DBT: variants seen among roughly 807,000 people sequenced by gnomAD.
DBT encodes lipoamide acyltransferase component of branched-chain alpha-keto acid dehydrogenase complex, mitochondrial.
DBT carries 40 observed loss-of-function variants against 51.3 expected under a neutral mutation model. That is an observed-to-expected ratio of 0.78 (90% CI 0.61 to 1.02). DBT has a LOEUF of 1.02. Among genes scored for constraint, DBT ranks in the 50% least tolerant of loss-of-function variants. DBT has a pLI of 0.00. For missense variants in DBT, 510 were observed against 580.2 expected, an observed-to-expected ratio of 0.88 and a Z score of 1.24; for synonymous variants, 181 against 190.4, an observed-to-expected ratio of 0.95 and a Z score of 0.41.
chr1:100,233,005 G>A (rs1025716197), intron 3 of DBT, among the ~76,000 whole-genome samples: 2 of 151,950 alleles, frequency 1.3e-5, no homozygotes, highest in Admixed American at 1.3e-4. Context: ...AAAAGGCAAA[G>A]ATTGGCAGAA....
chr1:100,249,625 G>A, intron 1 of DBT, 145 bp downstream of exon 1: 1 of 835,982 alleles, frequency 1.2e-6, no homozygotes, highest in Non-Finnish European at 2.1e-6. Flanking sequence ...TCCGTTCTCT[G>A]CCCTTTATTT....
At chr1:100,209,078 T>TTTTTC (rs1287657697) in intron 8 of DBT, among the ~76,000 whole-genome samples, 1 of 141,322 alleles carries the variant, frequency 7.1e-6, no homozygotes, top group African/African-American at 2.6e-5. Flanking sequence ...TTTGTTTTCT[T>TTTTTC]TTTTCTTTTC....
In DBT at chr1:100,214,919, A is replaced by G. The variant is rs1662392437; in HGVS notation, c.837T>C (p.Cys279=). The stretch of plus-strand genomic sequence containing the variant: ...CCAGTTCAGTAAGGTCAATCTCATC[A>G]CAATAACCAAAATGAGGTATCTTCA... ...AALKIPHFGY[C]DEIDLTELVK... is the part of the protein sequence containing the mutation. The change falls in exon 7 of 11, where the codon TGT becomes TGC. Residue 279 remains cysteine (C), a synonymous_variant. Coordinates refer to ENST00000370132, the MANE Select transcript of DBT (RefSeq NM_001918.5). 6.2e-7 allele frequency: 1 copy of G among 1,613,182 alleles called. No individual in the cohort carries two copies. The highest frequency in any genetic ancestry group is 1.3e-5 in the African/African-American group (1 of 74,902).
intron 3 of DBT, among the ~76,000 whole-genome samples, chr1:100,231,896 G>A (rs1663573561): frequency 6.6e-6 from 1 of 152,160 alleles, no homozygotes; most frequent in Non-Finnish European, 1.5e-5. Context: ...AGCGCAGCAG[G>A]AGCCAAATCA....
intron 7 of DBT, chr1:100,213,512 G>C (rs1662286295): frequency 6.5e-7 from 1 of 1,546,544 alleles, no homozygotes; most frequent in Admixed American, 1.7e-5. Flanking sequence ...CTCTATCGTG[G>C]TCGTGGGAGG....
Position 100,196,980 on chromosome 1 carries a change from G to A in DBT, c.1282-558C>T, listed in dbSNP as rs192937106. Reference sequence around the variant, plus strand: ...GGTCAACACCTTGATCAGGCCCGGAGAGAGGAAGGCATATATTCCATTAGC... The same window carrying A: ...GGTCAACACCTTGATCAGGCCCGGAAAGAGGAAGGCATATATTCCATTAGC... On this transcript the variant is annotated intron_variant, in intron 10 of 10. Transcript: ENST00000370132. The A allele has an allele frequency of 1.7e-3, 367 of 212,180 alleles. 1 individual carries two copies. Among genetic ancestry groups the A allele is most frequent in the African/African-American group, 8.1e-3 (352 of 43,304 alleles). The allele number at this position is 212,180 out of a possible 1,614,324, so 13.1% of individuals were successfully genotyped here.
intron 10 of DBT, among the ~76,000 whole-genome samples, chr1:100,204,219 A>G (rs2053178393): frequency 6.6e-6 from 1 of 152,226 alleles, no homozygotes; most frequent in African/African-American, 2.4e-5. Context: ...GGCTCAGCCC[A>G]AAATCTCCTT....
At chr1:100,243,302 T>C (rs915341971) in intron 1 of DBT, among the ~76,000 whole-genome samples, 1 of 151,790 alleles carries the variant, frequency 6.6e-6, no homozygotes, top group African/African-American at 2.4e-5. Context: ...AAATAGCCTT[T>C]TTAGACATCA....
At chr1:100,248,706 C>G (rs1439595311) in intron 1 of DBT, among the ~76,000 whole-genome samples, 2 of 152,206 alleles carry the variant, frequency 1.3e-5, no homozygotes, top group Non-Finnish European at 2.9e-5. Flanking sequence ...ATGGAAAGCT[C>G]TAGAAAGAAG....
At chr1:100,213,228 G>A in intron 7 of DBT, 1 of 963,256 alleles carries the variant, frequency 1.0e-6, no homozygotes, top group Non-Finnish European at 1.4e-6. Context: ...GCCTCAGAGG[G>A]GCCCGAGCCA....
At chr1:100,196,861 C>T (rs536877588) in intron 10 of DBT, 17 of 198,930 alleles carry the variant, frequency 8.5e-5, no homozygotes, top group Middle Eastern at 2.4e-3. Flanking sequence ...AGGAAGAAGA[C>T]AGGACAACAA....
intron 3 of DBT, among the ~76,000 whole-genome samples, chr1:100,234,965 A>G (rs1663781328): frequency 6.6e-6 from 1 of 152,144 alleles, no homozygotes; most frequent in South Asian, 2.1e-4. Context: ...CTATTTTTCC[A>G]GAAGGTGAAA....
Position 100,194,867 on chromosome 1 carries a change from C to T in DBT, c.*1388G>A, listed in dbSNP as rs982395561. ...CAACCTTTTTTCTGTCACAAAACTT[C>T]ACTTAAACAACTAATTTTGGCATAC... is the stretch of plus-strand genomic sequence containing the variant. On this transcript the variant is annotated 3_prime_UTR_variant, in exon 11 of 11. Coordinates refer to ENST00000370132, the MANE Select transcript of DBT (RefSeq NM_001918.5). 1.3e-4 allele frequency: 20 copies of T among 152,156 alleles called. 1 individual carries two copies. The highest frequency in any genetic ancestry group is 1.2e-3 in the Admixed American group (18 of 15,280). The allele number at this position is 152,156 out of a possible 1,614,324, so 9.4% of individuals were successfully genotyped here.
At position 100,194,007 on chromosome 1, in the gene DBT, G is replaced by T. The variant is rs986774852; in HGVS notation, c.*2248C>A. Reference sequence around the variant, plus strand: ...AATCAAATAATAAAATAGTAGATATGCTATGATCATGTTTTAACAAAAAAG... The same window carrying T: ...AATCAAATAATAAAATAGTAGATATTCTATGATCATGTTTTAACAAAAAAG... On this transcript the variant is annotated 3_prime_UTR_variant, in exon 11 of 11. Transcript: ENST00000370132. 2.6e-5 allele frequency: 4 copies of T among 152,114 alleles called. No individual in the cohort carries two copies. Among genetic ancestry groups the T allele is most frequent in the African/African-American group, 7.2e-5 (3 of 41,414 alleles). The allele number at this position is 152,114 out of a possible 1,614,324, so 9.4% of individuals were successfully genotyped here. A position where few individuals can be genotyped will look rare whatever the true frequency, so the allele number is the denominator to read the frequency against.
intron 2 of DBT, among the ~76,000 whole-genome samples, chr1:100,238,479 CTCTTTTCTTCTCTTCTCT>C (rs1664030566): frequency 6.7e-6 from 1 of 148,638 alleles, no homozygotes; most frequent in South Asian, 2.2e-4. Flanking sequence ...CCTCCTTCTT[CTCTTTTCTTCTCTTCTCT>C]TCTTTTCTTT....
At chr1:100,210,665 T>G (rs1224255502) in intron 8 of DBT, 29 bp downstream of exon 8, 3 of 1,612,622 alleles carry the variant, frequency 1.9e-6, no homozygotes, top group Admixed American at 3.3e-5. Flanking sequence ...CTATTAATAA[T>G]AAGAACATTT....
chr1:100,243,260 CAAA>C (rs147918527), intron 1 of DBT, among the ~76,000 whole-genome samples: 30 of 108,536 alleles, frequency 2.8e-4, no homozygotes, highest in East Asian at 5.3e-4. Flanking sequence ...ACCTTGTCTC[CAAA>C]AAAAAAAAAA....
intron 3 of DBT, among the ~76,000 whole-genome samples, chr1:100,232,600 ATTTGT>A (rs1190479189): frequency 6.6e-6 from 1 of 151,902 alleles, no homozygotes; most frequent in East Asian, 1.9e-4. Context: ...AATGATAATT[ATTTGT>A]TTTGTTTTGT....
At chr1:100,217,356 G>A (rs11580205) in intron 5 of DBT, among the ~76,000 whole-genome samples, 114,553 of 152,046 alleles carry the variant, frequency 0.75, 45,747 homozygotes, top group East Asian at 0.95. Flanking sequence ...AATGTTCCAC[G>A]TTACTATATC....
Sources: allele counts gnomAD v4.1 joint callset (sites outside exome capture counted in the v4.1 genomes callset), GRCh38; gene constraint gnomAD v4.1.1; transcripts MANE v1.5; gene names NCBI Gene and HGNC (gene_info 2026-07-23, HGNC 2026-07-21).